Variants in EYS observed in about 807,000 individuals in gnomAD.
EYS encodes the protein EGF-like photoreceptor maintenance factor, also known as protein eyes shut homolog.
EYS carries 250 observed loss-of-function variants against 282.1 expected under a neutral mutation model. That is an observed-to-expected ratio of 0.89 (90% CI 0.80 to 0.98). The LOEUF is 0.98. EYS is among the 50% of genes least tolerant of loss of function. EYS has a pLI of 0.00. For missense variants in EYS, 4,016 were observed against 3,709.0 expected (o/e 1.08, Z -2.15); for synonymous variants, 1,355 against 1,282.9 (o/e 1.06, Z -1.20).
In EYS at chr6:63,893,165, T is replaced by G. The variant is rs542867215; in HGVS notation, c.7056-28807A>C. The stretch of plus-strand genomic sequence containing the variant: ...TAGTTTAGCCTTGTGGAAGACACTG[T>G]GGCGATTCCTCAAGGATCTAGAACT... On this transcript the variant is annotated intron_variant, in intron 35 of 42. Transcript: ENST00000503581. Among the ~76,000 whole-genome samples, 41 of 152,302 alleles carry G rather than the reference T, an allele frequency of 2.7e-4. 2 individuals are homozygous for G. The South Asian group carries it at 8.5e-3, about 32-fold the overall frequency.
intron 26 of EYS, among the ~76,000 whole-genome samples, chr6:64,546,283 A>C (rs1345991903): frequency 1.3e-5 from 2 of 152,090 alleles, no homozygotes; most frequent in Non-Finnish European, 2.9e-5. Context: ...ATGATTCCCT[A>C]TTTAATAAAT....
intron 14 of EYS, among the ~76,000 whole-genome samples, chr6:64,994,983 T>C (rs908845176): frequency 6.6e-6 from 1 of 152,110 alleles, no homozygotes; most frequent in Non-Finnish European, 1.5e-5. Context: ...TCCTGACAGA[T>C]AATAATGTCT....
chr6:64,806,784 G>A (rs528349710), intron 22 of EYS, among the ~76,000 whole-genome samples: 79 of 151,876 alleles, frequency 5.2e-4, no homozygotes, highest in Non-Finnish European at 1.0e-3. Flanking sequence ...GGATGGATGA[G>A]GACTCGGTAA....
At chr6:65,015,813 T>A (rs1772026974) in intron 13 of EYS, among the ~76,000 whole-genome samples, 1 of 133,970 alleles carries the variant, frequency 7.5e-6, no homozygotes, top group African/African-American at 2.9e-5. Flanking sequence ...GGTCGATGGA[T>A]CATGAGGTCA....
chr6:64,615,075 C>CCATG (rs1767231542), intron 24 of EYS, among the ~76,000 whole-genome samples: 1 of 152,092 alleles, frequency 6.6e-6, no homozygotes, highest in Non-Finnish European at 1.5e-5. Flanking sequence ...TGCTAGAATG[C>CCATG]CATGACTTAC....
chr6:64,933,305 C>A (rs1391548244), intron 15 of EYS, among the ~76,000 whole-genome samples: 1 of 151,890 alleles, frequency 6.6e-6, no homozygotes, highest in Non-Finnish European at 1.5e-5. Context: ...AAAACAACGT[C>A]ATCAAAAAGT....
At chr6:63,927,886 C>T (rs1431147550) in intron 35 of EYS, among the ~76,000 whole-genome samples, 1 of 152,178 alleles carries the variant, frequency 6.6e-6, no homozygotes, top group Non-Finnish European at 1.5e-5. Flanking sequence ...TCACCTCCAT[C>T]CCTGAAATTA....
chr6:65,241,057 T>G (rs540086943), intron 12 of EYS, among the ~76,000 whole-genome samples: 1 of 152,260 alleles, frequency 6.6e-6, no homozygotes, highest in Non-Finnish European at 1.5e-5. Flanking sequence ...TAAATACAAA[T>G]ACTTACTAAT....
At chr6:65,245,632 T>A (rs2150279134) in intron 12 of EYS, among the ~76,000 whole-genome samples, 1 of 152,216 alleles carries the variant, frequency 6.6e-6, no homozygotes, top group African/African-American at 2.4e-5. Context: ...TCTGTTGTTT[T>A]TCTTCTAAAT....
intron 6 of EYS, among the ~76,000 whole-genome samples, chr6:65,403,644 A>G (rs1766602768): frequency 6.6e-6 from 1 of 152,022 alleles, no homozygotes; most frequent in Non-Finnish European, 1.5e-5. Flanking sequence ...CAAGTAATTT[A>G]TCTACAAAAT....
intron 30 of EYS, among the ~76,000 whole-genome samples, chr6:64,297,889 A>T (rs1445693610): frequency 6.6e-6 from 1 of 151,616 alleles, no homozygotes; most frequent in Non-Finnish European, 1.5e-5. Context: ...GAGGCAGTGG[A>T]ATCACTTGAA....
intron 40 of EYS, among the ~76,000 whole-genome samples, chr6:63,773,878 A>T (rs566993586): frequency 1.3e-5 from 2 of 152,304 alleles, no homozygotes; most frequent in African/African-American, 4.8e-5. Context: ...TAAAATGATA[A>T]GCACATTTTT....
intron 35 of EYS, among the ~76,000 whole-genome samples, chr6:63,960,834 G>T (rs1766027710): frequency 1.3e-5 from 2 of 152,202 alleles, no homozygotes; most frequent in African/African-American, 4.8e-5. Context: ...ATAGTTAAGT[G>T]TAAACATAAC....
Position 65,384,462 on chromosome 6 carries a change from G to T in EYS, c.1223C>A (p.Ala408Glu), listed in dbSNP as rs766283859. Residue 408 changes from alanine (A) to glutamate (E), a missense_variant, in exon 8 of 43, where the codon GCA becomes GAA. Ala to Glu is a moderately radical substitution (Grantham distance 107). Transcript: ENST00000503581. ...SGFTEKNCEK[A>E]IDHCKLLSIN... is the part of the protein sequence containing the mutation. ...GCTGAGCAGTTTACAGTGGTCAATTGCTTTCTCACAGTTTTTTTCAGTAAA... is the reference window on the plus strand; with the variant it reads ...GCTGAGCAGTTTACAGTGGTCAATTTCTTTCTCACAGTTTTTTTCAGTAAA... 4 of 1,607,588 alleles carry T rather than the reference G, an allele frequency of 2.5e-6. No homozygotes were observed. Among genetic ancestry groups the T allele is most frequent in the African/African-American group, 2.7e-5 (2 of 74,788 alleles).
intron 5 of EYS, among the ~76,000 whole-genome samples, chr6:65,455,712 A>G (rs920582842): frequency 1.3e-5 from 2 of 152,156 alleles, no homozygotes; most frequent in African/African-American, 2.4e-5. Context: ...TAGAAATACA[A>G]AATCTGAACA....
At chr6:64,732,941 T>C (rs1772022604) in intron 22 of EYS, among the ~76,000 whole-genome samples, 1 of 152,220 alleles carries the variant, frequency 6.6e-6, no homozygotes, top group South Asian at 2.1e-4. Flanking sequence ...GTAATCTAAA[T>C]AAAGCTGACC....
In EYS at chr6:65,645,530, G is replaced by T. The variant is rs567727871; in HGVS notation, c.-447-5638C>A. On this transcript the variant is annotated intron_variant, in intron 1 of 42. Transcript: ENST00000503581. Reference sequence around the variant, plus strand: ...TAACCCTCTGGGATACGGCAAAAGTGGTGCTAAGAGGAATGTTCATAGGAT... The same window carrying T: ...TAACCCTCTGGGATACGGCAAAAGTTGTGCTAAGAGGAATGTTCATAGGAT... Among the ~76,000 whole-genome samples the T allele has an allele frequency of 2.0e-5, 3 of 152,164 alleles. No individual in the cohort carries two copies. In the East Asian group the frequency reaches 5.8e-4, roughly 29 times the overall value.
intron 31 of EYS, among the ~76,000 whole-genome samples, chr6:64,177,536 A>G (rs1405878247): frequency 6.6e-6 from 1 of 152,090 alleles, no homozygotes; most frequent in Non-Finnish European, 1.5e-5. Flanking sequence ...TATGCATGAC[A>G]TATTTTTCTA....
chr6:64,907,181 A>G (rs56872206), intron 16 of EYS, among the ~76,000 whole-genome samples: 8,546 of 152,088 alleles, frequency 0.056, 403 homozygotes, highest in African/African-American at 0.13. Flanking sequence ...AGCCTCCTGA[A>G]CAGTTAGGAC....
Sources: gnomAD v4.1 joint callset for allele counts (sites outside exome capture counted in the v4.1 genomes callset) on GRCh38, gnomAD v4.1.1 for gene constraint, MANE v1.5 for transcripts, NCBI Gene and HGNC (gene_info 2026-07-23, HGNC 2026-07-21) for gene names.